The following SLC39A14 variants were observed in gnomAD, a reference collection of about 807,000 sequenced individuals.
SLC39A14 encodes the protein metal cation symporter ZIP14.
Under a neutral mutation model 45.5 loss-of-function variants are expected in SLC39A14, and 19 were observed. That is an observed-to-expected ratio of 0.42 (90% CI 0.29 to 0.61). The LOEUF (loss-of-function observed/expected upper bound fraction) is 0.61, where lower values mean the gene tolerates loss of function less well. Among genes scored for constraint, SLC39A14 ranks in the 20% least tolerant of loss-of-function variants. The pLI, the probability that SLC39A14 is intolerant of heterozygous loss-of-function variation, is 0.22. For synonymous variants in SLC39A14, 264 were observed against 251.3 expected, an observed-to-expected ratio of 1.05 and a Z score of -0.48; for missense variants, 447 against 616.5, an observed-to-expected ratio of 0.73 and a Z score of 2.91.
intron 1 of SLC39A14, among the ~76,000 whole-genome samples, chr8:22,372,747 T>C (rs1833002084): frequency 6.6e-6 from 1 of 152,130 alleles, no homozygotes; most frequent in South Asian, 2.1e-4. Flanking sequence ...CCCCTTACAT[T>C]GTCTTTTGTA....
At chr8:22,398,160 A>G (rs1268092850) in intron 1 of SLC39A14, 1 of 151,396 alleles carries the variant, frequency 6.6e-6, no homozygotes, top group Non-Finnish European at 1.5e-5. Context: ...CGCCCCCTCC[A>G]CTCCCTCACC....
At chr8:22,383,100 T>C (rs1008420136) in intron 1 of SLC39A14, among the ~76,000 whole-genome samples, 1 of 152,092 alleles carries the variant, frequency 6.6e-6, no homozygotes, top group African/African-American at 2.4e-5. Context: ...CTGGGTGTGG[T>C]ATGGTATGAG....
intron 2 of SLC39A14, among the ~76,000 whole-genome samples, chr8:22,406,915 G>C (rs748295548): frequency 2.0e-5 from 3 of 152,212 alleles, no homozygotes; most frequent in Non-Finnish European, 2.9e-5. Flanking sequence ...AGCACACCAA[G>C]AGGGCTGACT....
chr8:22,373,965 G>T (rs953608387), intron 1 of SLC39A14, among the ~76,000 whole-genome samples: 1 of 152,176 alleles, frequency 6.6e-6, no homozygotes, highest in South Asian at 2.1e-4. Flanking sequence ...TCGCCATGGT[G>T]GCCAGGCTGG....
At chr8:22,370,496 G>T (rs368959926) in intron 1 of SLC39A14, among the ~76,000 whole-genome samples, 2 of 152,204 alleles carry the variant, frequency 1.3e-5, no homozygotes, top group African/African-American at 4.8e-5. Flanking sequence ...GGGGACTTTG[G>T]TGATCTTGGA....
intron 1 of SLC39A14, among the ~76,000 whole-genome samples, chr8:22,376,170 TTTGTTG>T (rs1002627415): frequency 3.3e-5 from 5 of 152,034 alleles, no homozygotes; most frequent in African/African-American, 1.2e-4. Context: ...GTCACAGTTT[TTTGTTG>T]TTGTTGTTAA....
At chr8:22,413,423 A>G (rs1382312266) in intron 4 of SLC39A14, among the ~76,000 whole-genome samples, 1 of 152,154 alleles carries the variant, frequency 6.6e-6, no homozygotes, top group Non-Finnish European at 1.5e-5. Context: ...GCTCAACCCC[A>G]TGATTCTGTA....
chr8:22,369,452 T>A (rs1832815256), intron 1 of SLC39A14, among the ~76,000 whole-genome samples: 1 of 152,200 alleles, frequency 6.6e-6, no homozygotes, highest in Admixed American at 6.5e-5. Context: ...AGCCTGTGGA[T>A]GTACATTGCC....
intron 1 of SLC39A14, among the ~76,000 whole-genome samples, chr8:22,379,927 C>CAAAA (rs35093772): frequency 8.0e-5 from 7 of 87,920 alleles, no homozygotes; most frequent in Admixed American, 1.2e-4. Context: ...GACTCCATCT[C>CAAAA]AAAAAAAAAA....
intron 7 of SLC39A14, among the ~76,000 whole-genome samples, chr8:22,417,009 T>C (rs1481875147): frequency 2.0e-5 from 3 of 152,186 alleles, no homozygotes; most frequent in African/African-American, 2.4e-5. Flanking sequence ...GGCAGGTGCA[T>C]GGCAGCTGGA....
intron 1 of SLC39A14, among the ~76,000 whole-genome samples, chr8:22,376,110 A>G (rs1050846801): frequency 6.6e-6 from 1 of 152,126 alleles, no homozygotes; most frequent in Non-Finnish European, 1.5e-5. Flanking sequence ...TTTTCTTGCT[A>G]GAATGTTGGA....
Position 22,422,045 on chromosome 8 carries a change from C to G in SLC39A14, c.*2347C>G. On this transcript the variant is annotated 3_prime_UTR_variant, in exon 9 of 9. Transcript: ENST00000381237. ...CCACTGATTGTGGCAACAGCTTTGC[C>G]TCATGAGTCAAAAATTGGCAATTTC... is the stretch of plus-strand genomic sequence containing the variant. 3 of 985,434 alleles carry G rather than the reference C, an allele frequency of 3.0e-6. No individual in the cohort carries two copies. Among genetic ancestry groups the G allele is most frequent in the African/African-American group, 1.7e-5 (1 of 57,348 alleles). 61.0% of individuals were successfully genotyped at this position (985,434 alleles called of 1,614,324 possible).
rs1182215446 is a variant in SLC39A14, at chr8:22,398,822, C to T, written c.-15-5874C>T. 5.6e-6 allele frequency: 5 copies of T among 896,836 alleles called. No individual in the cohort carries two copies. The African/African-American group carries it at 9.0e-5, about 16-fold the overall frequency. The allele number at this position is 896,836 out of a possible 1,614,324, so 55.6% of individuals were successfully genotyped here. ...GGTAGGTGGAATTCCAATTATGGGC[C>T]TCTGGATGGTAAGGCAACTTCTGCG... On this transcript the variant is annotated intron_variant, in intron 1 of 8. Transcript: ENST00000381237.
rs530712636 is a variant in SLC39A14 at position 22,368,763 on chromosome 8, C to T, written c.-16+1355C>T. On this transcript the variant is annotated intron_variant, in intron 1 of 8. Transcript: ENST00000381237. ...GTGTTAGCCAGGATGGTCTCGATCT[C>T]CTGACCTCGTGATCCGCCCACCTCA... 9.9e-5 allele frequency among the ~76,000 whole-genome samples: 15 copies of T among 152,244 alleles called. No individual in the cohort carries two copies. The East Asian group carries it at 2.7e-3, about 28-fold the overall frequency.
intron 1 of SLC39A14, among the ~76,000 whole-genome samples, chr8:22,370,206 T>C (rs1832854601): frequency 6.6e-6 from 1 of 152,090 alleles, no homozygotes; most frequent in African/African-American, 2.4e-5. Context: ...GTAGGGTATA[T>C]ATCACTCACA....
At position 22,420,259 on chromosome 8, in the gene SLC39A14, G is replaced by T; in HGVS notation, c.*561G>T. The T allele has an allele frequency of 1.0e-6, 1 of 985,488 alleles. No individual in the cohort carries two copies. Among genetic ancestry groups the T allele is most frequent in the Non-Finnish European group, 1.2e-6 (1 of 830,016 alleles). 61.0% of individuals were successfully genotyped at this position (985,488 alleles called of 1,614,324 possible). ...ACCTGAAGTCAGAACACATGAGCAG[G>T]GTGAGAGGTGAGGCAAGGTTCATCC... On this transcript the variant is annotated 3_prime_UTR_variant, in exon 9 of 9. Transcript: ENST00000381237.
intron 1 of SLC39A14, among the ~76,000 whole-genome samples, chr8:22,390,994 C>T (rs1410864648): frequency 6.6e-6 from 1 of 152,166 alleles, no homozygotes; most frequent in Non-Finnish European, 1.5e-5. Context: ...CTGGAGCAGG[C>T]GGCTTCTTGT....
intron 2 of SLC39A14, among the ~76,000 whole-genome samples, chr8:22,407,574 T>C (rs925975419): frequency 5.3e-5 from 8 of 152,140 alleles, no homozygotes; most frequent in Non-Finnish European, 4.4e-5. Flanking sequence ...TTGGCCAGGC[T>C]GGTTTTGAAC....
chr8:22,404,190 G>A (rs1312879713), intron 1 of SLC39A14, among the ~76,000 whole-genome samples: 3 of 152,068 alleles, frequency 2.0e-5, no homozygotes, highest in Non-Finnish European at 4.4e-5. Context: ...TTGGGGGGCC[G>A]AGGTGGGTGG....
Sources: gnomAD v4.1 joint callset for allele counts (sites outside exome capture counted in the v4.1 genomes callset) on GRCh38, gnomAD v4.1.1 for gene constraint, MANE v1.5 for transcripts, NCBI Gene and HGNC (gene_info 2026-07-23, HGNC 2026-07-21) for gene names.